CYP7B1: variants seen among roughly 807,000 people sequenced by gnomAD.
CYP7B1 encodes cytochrome P450 family 7 subfamily B member 1, also known as cytochrome P450 7B1.
In CYP7B1, 29 loss-of-function variants were observed where a neutral mutation model predicts 42.7. That is an observed-to-expected ratio of 0.68 (90% CI 0.51 to 0.93). CYP7B1 has a LOEUF of 0.93. CYP7B1 is among the 40% of genes least tolerant of loss of function. CYP7B1 has a pLI of 0.00. For synonymous variants in CYP7B1, 235 were observed against 218.2 expected, an observed-to-expected ratio of 1.08 and a Z score of -0.68; for missense variants, 655 against 600.5, an observed-to-expected ratio of 1.09 and a Z score of -0.95.
chr8:64,612,400 A>G lies in CYP7B1; in HGVS notation c.1057+2626T>C, dbSNP rs8192898. ...ATAGATAAAATGTTTTACTGAGGTC[A>G]TAAGCAGAATCTTAACAAGATACGT... On this transcript the variant is annotated intron_variant, in intron 4 of 5. Transcript: ENST00000310193. Among the ~76,000 whole-genome samples, 303 of 152,268 alleles carry G rather than the reference A, an allele frequency of 2.0e-3. 4 individuals are homozygous for G. In the East Asian group the frequency reaches 0.022, roughly 11 times the overall value.
intron 1 of CYP7B1, among the ~76,000 whole-genome samples, chr8:64,648,417 G>T (rs140557866): frequency 1.3e-5 from 2 of 152,112 alleles, no homozygotes; most frequent in Non-Finnish European, 2.9e-5. Flanking sequence ...ACCTGTCCTG[G>T]CCACACATAT....
chr8:64,689,267 G>C (rs1806702546), intron 1 of CYP7B1, among the ~76,000 whole-genome samples: 2 of 152,076 alleles, frequency 1.3e-5, no homozygotes, highest in African/African-American at 4.8e-5. Flanking sequence ...TTTATTTCTG[G>C]GGTTTACTTA....
Position 64,604,846 on chromosome 8 carries a change from A to C in CYP7B1, c.1069T>G (p.Phe357Val), listed in dbSNP as rs763792508. Residue 357 changes from phenylalanine to valine, a missense_variant, in exon 5 of 6, where the codon TTT (phenylalanine) becomes GTT (valine). By Grantham distance (50) the Phe-to-Val change is conservative (BLOSUM62 -1). Transcript: ENST00000310193. The stretch of plus-strand genomic sequence containing the variant: ...TATGAGGACAGTCGTAAAGCTTCAA[A>C]AATGCTGCTTTCTGAAGGAAAAAAA... Reference protein sequence around the residue: ...DSLICLESSIFEALRLSSYST... With the variant: ...DSLICLESSIVEALRLSSYST... The C allele has an allele frequency of 6.2e-7, 1 of 1,614,026 alleles. No homozygotes were observed. The highest frequency in any genetic ancestry group is 1.1e-5 in the South Asian group (1 of 91,074).
chr8:64,600,975 C>A (rs1305992498), intron 5 of CYP7B1, among the ~76,000 whole-genome samples: 1 of 152,262 alleles, frequency 6.6e-6, no homozygotes, highest in East Asian at 1.9e-4. Flanking sequence ...AAAGTGATTT[C>A]TGGATAGTAA....
chr8:64,717,860 T>TG (rs1563403231), intron 1 of CYP7B1, among the ~76,000 whole-genome samples: 1 of 151,822 alleles, frequency 6.6e-6, no homozygotes. Flanking sequence ...AAAATAAGTT[T>TG]TTTTTTTTTT....
chr8:64,752,540 G>GACATATTTT, intron 1 of CYP7B1, among the ~76,000 whole-genome samples: 1 of 151,976 alleles, frequency 6.6e-6, no homozygotes, highest in Non-Finnish European at 1.5e-5. Context: ...TAGTAATGAG[G>GACATATTTT]AAAGACATAT....
chr8:64,687,679 CT>C (rs552810486), intron 1 of CYP7B1, among the ~76,000 whole-genome samples: 2 of 152,224 alleles, frequency 1.3e-5, no homozygotes, highest in African/African-American at 4.8e-5. Context: ...ATAAATTTTT[CT>C]CTTAAAAATT....
chr8:64,634,322 C>A (rs910240364), intron 1 of CYP7B1, among the ~76,000 whole-genome samples: 8 of 151,996 alleles, frequency 5.3e-5, no homozygotes, highest in Non-Finnish European at 4.4e-5. Context: ...GCAATCCCAG[C>A]ACCTTGGGAA....
chr8:64,762,490 G>A (rs1322564038), intron 1 of CYP7B1, among the ~76,000 whole-genome samples: 1 of 152,150 alleles, frequency 6.6e-6, no homozygotes, highest in Non-Finnish European at 1.5e-5. Context: ...TACTTGGGTT[G>A]AATCAGTGTG....
At chr8:64,779,036 A>G (rs1435849657) in intron 1 of CYP7B1, among the ~76,000 whole-genome samples, 1 of 152,098 alleles carries the variant, frequency 6.6e-6, no homozygotes, top group Non-Finnish European at 1.5e-5. Context: ...TAAAAAGTCC[A>G]AATGTGTGTA....
At chr8:64,602,771 G>T (rs768259561) in intron 5 of CYP7B1, among the ~76,000 whole-genome samples, 4 of 152,132 alleles carry the variant, frequency 2.6e-5, no homozygotes, top group Non-Finnish European at 5.9e-5. Context: ...GCTTGGGATG[G>T]ACATCTCTTT....
At chr8:64,777,282 G>A (rs1298963130) in intron 1 of CYP7B1, among the ~76,000 whole-genome samples, 2 of 151,616 alleles carry the variant, frequency 1.3e-5, no homozygotes, top group Non-Finnish European at 2.9e-5. Context: ...TATAACATGA[G>A]CACTATTTAC....
intron 1 of CYP7B1, among the ~76,000 whole-genome samples, chr8:64,733,100 G>C (rs1175783825): frequency 6.6e-6 from 1 of 152,062 alleles, no homozygotes; most frequent in Non-Finnish European, 1.5e-5. Flanking sequence ...CCCAGTCTCA[G>C]GTATGTCTTT....
At chr8:64,646,528 AG>A (rs1191139243) in intron 1 of CYP7B1, among the ~76,000 whole-genome samples, 1 of 152,204 alleles carries the variant, frequency 6.6e-6, no homozygotes, top group East Asian at 1.9e-4. Flanking sequence ...CCCTAAGAAG[AG>A]AATCTGTCCT....
intron 5 of CYP7B1, among the ~76,000 whole-genome samples, chr8:64,601,906 T>C (rs781593652): frequency 2.0e-5 from 3 of 152,230 alleles, no homozygotes; most frequent in Admixed American, 6.5e-5. Flanking sequence ...ACACTTCTAA[T>C]AGTATTGCTA....
rs1804362840 is a variant in CYP7B1, at chr8:64,778,405, A to C, written c.122+20061T>G. ...AAGGTCATTCAAAATCCAAAACAAGATTAAAAGTTTGCTATAGACCTGAAA... is the reference window on the plus strand; with the variant it reads ...AAGGTCATTCAAAATCCAAAACAAGCTTAAAAGTTTGCTATAGACCTGAAA... On this transcript the variant is annotated intron_variant, in intron 1 of 5. Coordinates refer to ENST00000310193, the MANE Select transcript of CYP7B1 (RefSeq NM_004820.5). Among the ~76,000 whole-genome samples, 4 of 151,954 alleles carry C rather than the reference A, an allele frequency of 2.6e-5. No individual in the cohort carries two copies. The South Asian group carries it at 8.3e-4, about 31-fold the overall frequency.
intron 1 of CYP7B1, among the ~76,000 whole-genome samples, chr8:64,708,524 T>G (rs558409549): frequency 6.6e-6 from 1 of 152,358 alleles, no homozygotes; most frequent in Non-Finnish European, 1.5e-5. Context: ...ATCAGGATTA[T>G]GCTAGTGAAC....
At chr8:64,791,453 G>A (rs1456026780) in intron 1 of CYP7B1, among the ~76,000 whole-genome samples, 2 of 152,164 alleles carry the variant, frequency 1.3e-5, no homozygotes, top group African/African-American at 4.8e-5. Flanking sequence ...GTAATCACAA[G>A]AGTCCTTATA....
intron 1 of CYP7B1, among the ~76,000 whole-genome samples, chr8:64,681,716 T>A (rs2129631955): frequency 6.6e-6 from 1 of 152,194 alleles, no homozygotes; most frequent in African/African-American, 2.4e-5. Context: ...GGAAGCAGAT[T>A]CTTCAGCCCA....
Sources: allele counts gnomAD v4.1 joint callset (sites outside exome capture counted in the v4.1 genomes callset), GRCh38; gene constraint gnomAD v4.1.1; transcripts MANE v1.5; gene names NCBI Gene and HGNC (gene_info 2026-07-23, HGNC 2026-07-21).